SH3GL2: variants seen among roughly 807,000 people sequenced by gnomAD.
The protein encoded by SH3GL2 is endophilin-A1.
In SH3GL2, 24 loss-of-function variants were observed where a neutral mutation model predicts 46.0. The observed-to-expected ratio is 0.52, with a 90% CI of 0.38 to 0.73. The LOEUF (loss-of-function observed/expected upper bound fraction) is 0.73. SH3GL2 is among the 30% of genes least tolerant of loss of function. SH3GL2 has a pLI of 0.00. For missense variants in SH3GL2, 413 were observed against 424.2 expected (o/e 0.97, Z 0.23); for synonymous variants, 196 against 147.1 (o/e 1.33, Z -2.40).
At chr9:17,606,333 C>T (rs750125484) in intron 1 of SH3GL2, among the ~76,000 whole-genome samples, 2 of 152,134 alleles carry the variant, frequency 1.3e-5, no homozygotes, top group Admixed American at 6.5e-5. Flanking sequence ...CCTCATGATC[C>T]GCCCGCCTTG....
Position 17,620,956 on chromosome 9 carries a change from T to A in SH3GL2, c.45+41669T>A, listed in dbSNP as rs112634674. Among the ~76,000 whole-genome samples the A allele has an allele frequency of 3.1e-3, 478 of 152,314 alleles. 2 individuals carry two copies. The highest frequency in any genetic ancestry group is 0.01 in the African/African-American group (434 of 41,574). The stretch of plus-strand genomic sequence containing the variant: ...ACCAAATATACCCTGGTAGTTTAGT[T>A]ATCAGAAAATGAGTTTTTAAAAAAT... On this transcript the variant is annotated intron_variant, in intron 1 of 8. Coordinates refer to ENST00000380607, the MANE Select transcript of SH3GL2 (RefSeq NM_003026.5).
chr9:17,687,081 A>G (rs1820934005), intron 1 of SH3GL2, among the ~76,000 whole-genome samples: 1 of 152,114 alleles, frequency 6.6e-6, no homozygotes, highest in Non-Finnish European at 1.5e-5. Flanking sequence ...ACATTAAATA[A>G]GCTGGTAATA....
At chr9:17,588,683 C>A (rs138501131) in intron 1 of SH3GL2, among the ~76,000 whole-genome samples, 1 of 152,184 alleles carries the variant, frequency 6.6e-6, no homozygotes, top group Non-Finnish European at 1.5e-5. Flanking sequence ...AGATAAGAGC[C>A]CAGTCTAGCC....
intron 1 of SH3GL2, among the ~76,000 whole-genome samples, chr9:17,708,175 C>T (rs988706277): frequency 6.6e-6 from 1 of 151,996 alleles, no homozygotes; most frequent in Admixed American, 6.6e-5. Flanking sequence ...TTCTTCCCAT[C>T]GTGGTCATTG....
At chr9:17,711,792 T>G (rs1821631709) in intron 1 of SH3GL2, among the ~76,000 whole-genome samples, 1 of 151,868 alleles carries the variant, frequency 6.6e-6, no homozygotes, top group Non-Finnish European at 1.5e-5. Flanking sequence ...ACAAGACATA[T>G]TCTTTTAATG....
chr9:17,585,415 T>C (rs982836740), intron 1 of SH3GL2, among the ~76,000 whole-genome samples: 1 of 152,180 alleles, frequency 6.6e-6, no homozygotes, highest in Non-Finnish European at 1.5e-5. Flanking sequence ...GTTCTTTTAA[T>C]CCTTCGTACC....
intron 3 of SH3GL2, among the ~76,000 whole-genome samples, chr9:17,776,044 C>G (rs150789244): frequency 3.3e-5 from 5 of 152,276 alleles, no homozygotes; most frequent in African/African-American, 1.2e-4. Flanking sequence ...TCCCAAAATA[C>G]TGCCATCATA....
intron 3 of SH3GL2, among the ~76,000 whole-genome samples, chr9:17,769,328 CATA>C (rs1823405573): frequency 6.6e-6 from 1 of 152,116 alleles, no homozygotes; most frequent in South Asian, 2.1e-4. Flanking sequence ...TTGCACTTTT[CATA>C]ATATTTACTT....
At chr9:17,706,625 C>T (rs1243923603) in intron 1 of SH3GL2, among the ~76,000 whole-genome samples, 1 of 151,956 alleles carries the variant, frequency 6.6e-6, no homozygotes, top group African/African-American at 2.4e-5. Flanking sequence ...ATATACTGTT[C>T]ATGTCTTTGT....
rs1055446319 is a variant in SH3GL2 at position 17,761,598 on chromosome 9, C to A, written c.187+89C>A. The stretch of plus-strand genomic sequence containing the variant: ...ACATTTTAAGTTTGGTGTGTTTCTT[C>A]TTTTGGTGTTGCTTCCTCGGTCCAC... On this transcript the variant is annotated intron_variant, in intron 3 of 8. Coordinates refer to ENST00000380607, the MANE Select transcript of SH3GL2 (RefSeq NM_003026.5). The A allele has an allele frequency of 3.4e-6, 3 of 877,874 alleles. No individual in the cohort carries two copies. In the African/African-American group the frequency reaches 4.9e-5, roughly 14 times the overall value. The allele number at this position is 877,874 out of a possible 1,614,324, so 54.4% of individuals were successfully genotyped here.
In SH3GL2 at chr9:17,668,737, A is replaced by G. The variant is rs560693460; in HGVS notation, c.46-78329A>G. On this transcript the variant is annotated intron_variant, in intron 1 of 8. Coordinates refer to ENST00000380607, the MANE Select transcript of SH3GL2 (RefSeq NM_003026.5). ...AGTGGCACAATCGTAGCTCACTGCA[A>G]CCTCAAAGTCCTGGACTCTGGTGAT... 2.6e-5 allele frequency among the ~76,000 whole-genome samples: 4 copies of G among 152,240 alleles called. No individual in the cohort carries two copies. The East Asian group carries it at 7.7e-4, about 29-fold the overall frequency.
chr9:17,748,125 A>T (rs1433623491), intron 2 of SH3GL2, among the ~76,000 whole-genome samples: 3 of 152,102 alleles, frequency 2.0e-5, no homozygotes, highest in Non-Finnish European at 4.4e-5. Flanking sequence ...AAAACATCTC[A>T]TTTTATTTTT....
chr9:17,638,156 C>CAA (rs10623700), intron 1 of SH3GL2, among the ~76,000 whole-genome samples: 36,631 of 145,384 alleles, frequency 0.25, 4,910 homozygotes, highest in East Asian at 0.45. Context: ...GACTCCCTCT[C>CAA]AAAAAAAAAA....
At chr9:17,620,303 C>T (rs1819107480) in intron 1 of SH3GL2, among the ~76,000 whole-genome samples, 1 of 152,184 alleles carries the variant, frequency 6.6e-6, no homozygotes, top group South Asian at 2.1e-4. Flanking sequence ...CCATACACTG[C>T]ATTTTGCACT....
intron 1 of SH3GL2, among the ~76,000 whole-genome samples, chr9:17,717,232 T>G (rs911532545): frequency 6.6e-5 from 10 of 152,106 alleles, no homozygotes; most frequent in African/African-American, 2.4e-4. Flanking sequence ...TTCTGTACAT[T>G]CTCTCTTTTA....
At chr9:17,727,192 A>G (rs1259618916) in intron 1 of SH3GL2, among the ~76,000 whole-genome samples, 1 of 152,214 alleles carries the variant, frequency 6.6e-6, no homozygotes, top group Non-Finnish European at 1.5e-5. Flanking sequence ...AACAAGTTAC[A>G]GAAGGTTGTA....
intron 1 of SH3GL2, among the ~76,000 whole-genome samples, chr9:17,617,462 A>T (rs548025097): frequency 1.3e-5 from 2 of 152,308 alleles, no homozygotes; most frequent in African/African-American, 4.8e-5. Context: ...TGGAAAATGC[A>T]GTGTCCTTGA....
intron 1 of SH3GL2, among the ~76,000 whole-genome samples, chr9:17,669,595 T>C (rs2117950946): frequency 6.6e-6 from 1 of 152,334 alleles, no homozygotes; most frequent in Non-Finnish European, 1.5e-5. Context: ...CTCAAATTAT[T>C]GCATGTTTAT....
chr9:17,781,836 A>C (rs975942688), intron 3 of SH3GL2, among the ~76,000 whole-genome samples: 2 of 152,074 alleles, frequency 1.3e-5, no homozygotes, highest in Non-Finnish European at 2.9e-5. Context: ...TCATCTGTTC[A>C]TTAGCCTTCC....
Sources: gnomAD v4.1 joint callset for allele counts (sites outside exome capture counted in the v4.1 genomes callset) on GRCh38, gnomAD v4.1.1 for gene constraint, MANE v1.5 for transcripts, NCBI Gene and HGNC (gene_info 2026-07-23, HGNC 2026-07-21) for gene names.